Variants in CNN1 observed in about 807,000 individuals in gnomAD.
CNN1 encodes calponin 1.
In CNN1, 21 loss-of-function variants were observed where a neutral mutation model predicts 35.3. The observed-to-expected ratio is 0.60, with a 90% confidence interval of 0.42 to 0.86. The LOEUF (loss-of-function observed/expected upper bound fraction) is 0.86. Ranked by LOEUF, CNN1 falls within the 40% of genes least tolerant of loss-of-function variation. The probability of loss-of-function intolerance (pLI) is 0.00; values close to 1 mark genes in which losing one functional copy is unlikely to be tolerated. For synonymous variants in CNN1, 164 were observed against 161.8 expected (o/e 1.01, Z -0.10); for missense variants, 314 against 400.8 (o/e 0.78, Z 1.85).
chr19:11,538,882 T>G lies in CNN1; in HGVS notation c.-46T>G. The stretch of plus-strand genomic sequence containing the variant: ...GGAACTTCAGCCGCTGCCTCTGTTC[T>G]CAGCGTCAGTGCCGCCACTGCCCCC... On this transcript the variant is annotated 5_prime_UTR_variant, in exon 1 of 7. Coordinates refer to ENST00000252456, the MANE Select transcript of CNN1 (RefSeq NM_001299.6). 6.8e-7 allele frequency: 1 copy of G among 1,469,208 alleles called. No individual in the cohort carries two copies. The highest frequency in any genetic ancestry group is 9.1e-7 in the Non-Finnish European group (1 of 1,098,352). 91.0% of individuals were successfully genotyped at this position (1,469,208 alleles called of 1,614,324 possible). A position where few individuals can be genotyped will look rare whatever the true frequency, so the allele number is the denominator to read the frequency against.
chr19:11,549,829 G>C lies in CNN1; in HGVS notation c.*34G>C. On this transcript the variant is annotated 3_prime_UTR_variant, in exon 7 of 7. Transcript: ENST00000252456. This position sits in a 1 kb window ranked among gnomAD's most constrained non-coding sequence, Gnocchi z 5.2. ...GGCCTTCCCTGTTTTCCCCCCAAGG[G>C]AGGCTGCTGCTGCTCTTGGCTGGAC... 6.4e-7 allele frequency: 1 copy of C among 1,572,546 alleles called. No individual in the cohort carries two copies. Among genetic ancestry groups the C allele is most frequent in the South Asian group, 1.2e-5 (1 of 85,250 alleles).
intron 5 of CNN1, 85 bp downstream of exon 5, chr19:11,547,992 G>T (rs1305695269): frequency 1.1e-5 from 11 of 1,047,012 alleles, no homozygotes; most frequent in Non-Finnish European, 1.4e-5. Context: ...CAGGATATTT[G>T]GCATTAACTA....
At position 11,547,915 on chromosome 19, in the gene CNN1, C is replaced by T; in HGVS notation, c.501+8C>T. The T allele has an allele frequency of 6.2e-7, 1 of 1,610,656 alleles. No homozygotes were observed. The highest frequency in any genetic ancestry group is 8.5e-7 in the Non-Finnish European group (1 of 1,178,040). On this transcript the variant is annotated splice_region_variant and intron_variant, in intron 5 of 6. Coordinates refer to ENST00000252456, the MANE Select transcript of CNN1 (RefSeq NM_001299.6). ...AACATCATTGGGCTGCAGGTACCGC[C>T]CTGTCCTCACTGCGCAGAGGTCATA...
intron 1 of CNN1, chr19:11,540,051 C>T (rs909821709): frequency 1.9e-6 from 2 of 1,042,434 alleles, no homozygotes; most frequent in Non-Finnish European, 2.3e-6. Context: ...CACCTCCCCC[C>T]ACTCACCCGG....
intron 2 of CNN1, among the ~76,000 whole-genome samples, chr19:11,542,967 C>T (rs771014454): frequency 6.6e-6 from 1 of 152,112 alleles, no homozygotes; most frequent in Non-Finnish European, 1.5e-5. Context: ...TGTGAGTGGC[C>T]TCGGGAAGAC....
intron 1 of CNN1, chr19:11,540,084 C>T (rs1972426280): frequency 9.8e-7 from 1 of 1,025,272 alleles, no homozygotes; most frequent in Non-Finnish European, 1.2e-6. Flanking sequence ...CAGCCCGGTC[C>T]CCTAGGGGCT....
At chr19:11,547,053 G>A in intron 4 of CNN1, 84 bp downstream of exon 4, 2 of 1,586,218 alleles carry the variant, frequency 1.3e-6, no homozygotes, top group East Asian at 2.3e-5. Context: ...CCTGAGCCCA[G>A]TGAAGGTGGC....
chr19:11,542,848 A>G (rs898801148), intron 2 of CNN1, among the ~76,000 whole-genome samples: 1 of 152,172 alleles, frequency 6.6e-6, no homozygotes, highest in Non-Finnish European at 1.5e-5. Context: ...TGCTGGGATT[A>G]TAGGCGTGAG....
At chr19:11,543,523 G>A (rs1159810368) in intron 2 of CNN1, among the ~76,000 whole-genome samples, 1 of 151,514 alleles carries the variant, frequency 6.6e-6, no homozygotes, top group African/African-American at 2.4e-5. Flanking sequence ...ACTCACGTCT[G>A]TAATCCCAGC....
At chr19:11,546,026 AGAG>A (rs2145038578) in intron 2 of CNN1, among the ~76,000 whole-genome samples, 1 of 152,284 alleles carries the variant, frequency 6.6e-6, no homozygotes, top group South Asian at 2.1e-4. Flanking sequence ...GGAGTGAGTC[AGAG>A]AAGAGGCCCT....
chr19:11,544,456 T>C (rs775663254), intron 2 of CNN1, among the ~76,000 whole-genome samples: 4 of 151,930 alleles, frequency 2.6e-5, no homozygotes, highest in East Asian at 1.9e-4. Context: ...GAGAGTCAGA[T>C]GGTGGAGGGC....
intron 2 of CNN1, among the ~76,000 whole-genome samples, chr19:11,541,618 T>G (rs1972463759): frequency 6.6e-6 from 1 of 152,166 alleles, no homozygotes; most frequent in South Asian, 2.1e-4. Context: ...AGATACAGTC[T>G]TGTTCTGTTG....
intron 2 of CNN1, chr19:11,541,905 T>A (rs10415749): frequency 7.2e-6 from 1 of 138,370 alleles, no homozygotes; most frequent in Non-Finnish European, 1.6e-5. Context: ...TTTTTGTTTT[T>A]TTTTTTTTTT....
intron 1 of CNN1, 198 bp downstream of exon 1, chr19:11,539,188 G>C (rs181460406): frequency 8.3e-6 from 10 of 1,204,254 alleles, no homozygotes; most frequent in Admixed American, 3.7e-5. Context: ...GGGCTGGAAT[G>C]GGGGGGCACA....
chr19:11,550,134 G>A lies in CNN1; in HGVS notation c.*339G>A, dbSNP rs891225716. 6 of 257,492 alleles carry A rather than the reference G, an allele frequency of 2.3e-5. No individual in the cohort carries two copies. Among genetic ancestry groups the A allele is most frequent in the South Asian group, 2.4e-4 (2 of 8,456 alleles). 16.0% of individuals were successfully genotyped at this position (257,492 alleles called of 1,614,324 possible). A position where few individuals can be genotyped will look rare whatever the true frequency, so the allele number is the denominator to read the frequency against. On this transcript the variant is annotated 3_prime_UTR_variant, in exon 7 of 7. Transcript: ENST00000252456. ...AAGCTCCCCCAGCAAAGCCCCCAGA[G>A]CCCAGGCTCGGCCTGCCCCCACCCC...
chr19:11,549,766 C>T lies in CNN1; in HGVS notation c.865C>T (p.His289Tyr). ...GCTGGGTGAGCCCGCCCACAACCAC[C>T]ACGCACACAACTACTACAATTCCGC... ...PELGEPAHNH[H>Y]AHNYYNSA is the part of the protein sequence containing the mutation. Residue 289 changes from histidine to tyrosine, a missense_variant, in exon 7 of 7, where the codon CAC becomes TAC. Physicochemically the swap from His to Tyr is moderately conservative, Grantham distance 83 (BLOSUM62 2). Coordinates refer to ENST00000252456, the MANE Select transcript of CNN1 (RefSeq NM_001299.6). This position sits in a 1 kb window ranked among gnomAD's most constrained non-coding sequence, Gnocchi z 5.2. 1.9e-6 allele frequency: 3 copies of T among 1,613,182 alleles called. No homozygotes were observed. Among genetic ancestry groups the T allele is most frequent in the Non-Finnish European group, 2.5e-6 (3 of 1,179,414 alleles).
intron 2 of CNN1, among the ~76,000 whole-genome samples, chr19:11,544,662 G>GTTTTTTTT (rs745637541): frequency 7.6e-6 from 1 of 131,972 alleles, no homozygotes; most frequent in South Asian, 2.5e-4. Context: ...AAGTTTTCGG[G>GTTTTTTTT]TTTTTTTTTT....
chr19:11,539,836 C>G, intron 1 of CNN1: 1 of 1,182,100 alleles, frequency 8.5e-7, no homozygotes, highest in Non-Finnish European at 1.1e-6. Flanking sequence ...GGCGGGTCCT[C>G]GGGCGAGAGA....
intron 1 of CNN1, chr19:11,539,992 T>G: frequency 8.5e-6 from 9 of 1,057,958 alleles, no homozygotes; most frequent in Non-Finnish European, 1.0e-5. Context: ...GCCGGGCTGG[T>G]GGCGTGGGGG....
Sources: gnomAD v4.1 joint callset for allele counts (sites outside exome capture counted in the v4.1 genomes callset) on GRCh38, gnomAD v4.1.1 for gene constraint, Gnocchi (gnomAD v3.1) non-coding constraint, MANE v1.5 for transcripts, NCBI Gene and HGNC (gene_info 2026-07-23, HGNC 2026-07-21) for gene names.